Variants in CFAP44 observed in about 807,000 individuals in gnomAD.
CFAP44 encodes the protein cilia and flagella associated protein 44.
In CFAP44, 134 loss-of-function variants were observed where a neutral mutation model predicts 216.2. The ratio of observed to expected loss-of-function variants is 0.62; its 90% CI spans 0.54 to 0.72. The LOEUF is 0.72. Among genes scored for constraint, CFAP44 ranks in the 30% least tolerant of loss-of-function variants. CFAP44 has a pLI of 0.00. For synonymous variants in CFAP44, 700 were observed against 727.6 expected (o/e 0.96, Z 0.61); for missense variants, 2,035 against 2,182.1 (o/e 0.93, Z 1.34).
chr3:113,400,510 G>T (rs1426938570), intron 12 of CFAP44, 35 bp downstream of exon 12: 1 of 1,496,308 alleles, frequency 6.7e-7, no homozygotes, highest in South Asian at 1.4e-5. Flanking sequence ...AACAAAACAA[G>T]GCCAGACATA....
chr3:113,423,865 A>G (rs563616151), intron 4 of CFAP44, among the ~76,000 whole-genome samples: 1 of 152,224 alleles, frequency 6.6e-6, no homozygotes, highest in Non-Finnish European at 1.5e-5. Context: ...TTATGGACTG[A>G]AAAAGGAAAG....
intron 1 of CFAP44, among the ~76,000 whole-genome samples, chr3:113,435,819 T>C (rs114499101): frequency 0.038 from 5,823 of 151,850 alleles, 169 homozygotes; most frequent in African/African-American, 0.07. Flanking sequence ...TTCTTCTGGG[T>C]TACAAAAATA....
At chr3:113,313,742 A>G (rs1429297800) in intron 28 of CFAP44, among the ~76,000 whole-genome samples, 222 of 152,136 alleles carry the variant, frequency 1.5e-3, no homozygotes, top group African/African-American at 5.2e-3. Context: ...CCACTTTTGC[A>G]TCTTTCTCAT....
intron 33 of CFAP44, among the ~76,000 whole-genome samples, chr3:113,295,680 G>A (rs1949873084): frequency 6.6e-6 from 1 of 152,166 alleles, no homozygotes; most frequent in Non-Finnish European, 1.5e-5. Flanking sequence ...TCTGAATCAG[G>A]CTGGAACCAG....
intron 28 of CFAP44, among the ~76,000 whole-genome samples, chr3:113,312,441 T>C (rs912979608): frequency 2.0e-5 from 3 of 152,020 alleles, no homozygotes; most frequent in Non-Finnish European, 2.9e-5. Flanking sequence ...ATTTGCAGCA[T>C]GACAATGTGA....
rs376378314 is a variant in CFAP44, at chr3:113,369,199, C to G, written c.2445-2890G>C. On this transcript the variant is annotated intron_variant, in intron 18 of 34. Coordinates refer to ENST00000393845, the MANE Select transcript of CFAP44 (RefSeq NM_001164496.2). ...CGAGACAGAAGGTTAACAACGATATCCAGGATTTCAACTCAGCTCTGCACC... is the reference window on the plus strand; with the variant it reads ...CGAGACAGAAGGTTAACAACGATATGCAGGATTTCAACTCAGCTCTGCACC... Among the ~76,000 whole-genome samples, 285 of 152,258 alleles carry G rather than the reference C, an allele frequency of 1.9e-3. 2 individuals carry two copies. The highest frequency in any genetic ancestry group is 5.6e-3 in the African/African-American group (232 of 41,558).
chr3:113,416,642 A>G lies in CFAP44; in HGVS notation c.571-15T>C. 6.4e-7 allele frequency: 1 copy of G among 1,554,184 alleles called. No homozygotes were observed. Among genetic ancestry groups the G allele is most frequent in the Middle Eastern group, 1.7e-4 (1 of 5,802 alleles). ...TGTGGATGAACCTACAAAAGATAAA[A>G]TTTCACCAAAATATTAAAAGAAAGA... On this transcript the variant is annotated splice_polypyrimidine_tract_variant and intron_variant, in intron 5 of 34. Coordinates refer to ENST00000393845, the MANE Select transcript of CFAP44 (RefSeq NM_001164496.2).
chr3:113,403,771 C>A lies in CFAP44; in HGVS notation c.1170+81G>T, dbSNP rs1934202127. The A allele has an allele frequency of 4.1e-6, 6 of 1,452,998 alleles. No individual in the cohort carries two copies. In the South Asian group the frequency reaches 7.7e-5, roughly 19 times the overall value. The allele number at this position is 1,452,998 out of a possible 1,614,324, so 90.0% of individuals were successfully genotyped here. ...ACTACTGATCTCCTTCACAAAATAA[C>A]CTTTATGAGAAATAAAACCCTTTGG... On this transcript the variant is annotated intron_variant, in intron 9 of 34. Coordinates refer to ENST00000393845, the MANE Select transcript of CFAP44 (RefSeq NM_001164496.2).
chr3:113,318,993 C>G (rs931045178), intron 28 of CFAP44, among the ~76,000 whole-genome samples: 4 of 151,076 alleles, frequency 2.6e-5, no homozygotes, highest in African/African-American at 7.3e-5. Context: ...CCCTTTAGCA[C>G]ACAGCTGGCA....
At chr3:113,380,860 G>T (rs750276806) in intron 16 of CFAP44, 39 bp downstream of exon 16, 4 of 1,461,228 alleles carry the variant, frequency 2.7e-6, no homozygotes, top group Non-Finnish European at 3.6e-6. Context: ...CTAAGGAAAG[G>T]AAATTATTAT....
At chr3:113,321,208 T>C (rs935264682) in intron 28 of CFAP44, among the ~76,000 whole-genome samples, 1 of 152,180 alleles carries the variant, frequency 6.6e-6, no homozygotes, top group Non-Finnish European at 1.5e-5. Flanking sequence ...GATGCAAGAT[T>C]GGTTCAACAT....
chr3:113,435,928 T>C (rs1935228624), intron 1 of CFAP44, among the ~76,000 whole-genome samples: 2 of 151,758 alleles, frequency 1.3e-5, no homozygotes, highest in Admixed American at 1.3e-4. Context: ...TTCCTTCCTC[T>C]CTCTCTCCAT....
chr3:113,396,841 A>AT (rs1287438092), intron 13 of CFAP44, 114 bp from the exon 14 acceptor site: 1 of 1,008,766 alleles, frequency 9.9e-7, no homozygotes, highest in Non-Finnish European at 1.4e-6. Flanking sequence ...CCCATTGGCA[A>AT]TTCTTTATAT....
At chr3:113,372,668 T>C (rs1033919566) in intron 18 of CFAP44, among the ~76,000 whole-genome samples, 2 of 152,178 alleles carry the variant, frequency 1.3e-5, no homozygotes, top group Non-Finnish European at 2.9e-5. Context: ...ACATGGCATA[T>C]GTATACCTAC....
At chr3:113,294,263 C>T (rs950871753) in intron 34 of CFAP44, 5 of 259,016 alleles carry the variant, frequency 1.9e-5, no homozygotes. Flanking sequence ...AAGTTGAAAC[C>T]CACACAAAGT....
intron 24 of CFAP44, among the ~76,000 whole-genome samples, chr3:113,336,230 A>G (rs116357241): frequency 1.1e-4 from 16 of 152,218 alleles, no homozygotes; most frequent in African/African-American, 3.4e-4. Flanking sequence ...TAGTAAATCA[A>G]TGACAGAGAA....
chr3:113,416,625 A>G lies in CFAP44; in HGVS notation c.573T>C (p.Val191=), dbSNP rs936952278. 1.3e-6 allele frequency: 2 copies of G among 1,593,694 alleles called. No individual in the cohort carries two copies. Among genetic ancestry groups the G allele is most frequent in the African/African-American group, 2.7e-5 (2 of 73,716 alleles). Residue 191 remains valine (V), a splice_region_variant and synonymous_variant, in exon 6 of 35, where the codon GTT becomes GTC. Coordinates refer to ENST00000393845, the MANE Select transcript of CFAP44 (RefSeq NM_001164496.2). ...CTGTGAAATAAGTTTTATGTGGATG[A>G]ACCTACAAAAGATAAAATTTCACCA... The part of the protein sequence containing the change: ...SSGEGIGVIG[V]HPHKTYFTVA...
intron 22 of CFAP44, among the ~76,000 whole-genome samples, chr3:113,354,356 C>T (rs904214785): frequency 6.6e-6 from 1 of 152,204 alleles, no homozygotes; most frequent in African/African-American, 2.4e-5. Context: ...AAAACTGAAT[C>T]TGCCTGCTTT....
chr3:113,408,795 G>A (rs1176525577), intron 7 of CFAP44, among the ~76,000 whole-genome samples: 2 of 150,416 alleles, frequency 1.3e-5, no homozygotes, highest in Non-Finnish European at 1.5e-5. Flanking sequence ...CCCAGGAGGC[G>A]GAGGTTGCAG....
Sources: allele counts gnomAD v4.1 joint callset (sites outside exome capture counted in the v4.1 genomes callset), GRCh38; gene constraint gnomAD v4.1.1; transcripts MANE v1.5; gene names NCBI Gene and HGNC (gene_info 2026-07-23, HGNC 2026-07-21).